The following KCNK9 variants were observed in gnomAD, a reference collection of about 807,000 sequenced individuals.
The protein encoded by KCNK9 is potassium two pore domain channel subfamily K member 9, also known as potassium channel subfamily K member 9.
KCNK9 carries 1 observed loss-of-function variant against 10.8 expected under a neutral mutation model. The observed-to-expected ratio is 0.09, with a 90% CI of 0.03 to 0.44. KCNK9 has a LOEUF of 0.44. Ranked by LOEUF, KCNK9 falls within the 20% of genes least tolerant of loss-of-function variation. KCNK9 has a pLI of 0.97. For missense variants in KCNK9, 303 were observed against 515.0 expected (o/e 0.59, Z 3.98); for synonymous variants, 231 against 222.7 (o/e 1.04, Z -0.33).
chr8:139,611,065 C>T (rs74380906), downstream of KCNK9, among the ~76,000 whole-genome samples: 5 of 152,370 alleles, frequency 3.3e-5, no homozygotes, highest in African/African-American at 1.2e-4. Context: ...GCCTGAGTTC[C>T]TCAACCAGAC....
At chr8:139,684,345 G>A (rs1816747110) in intron 1 of KCNK9, among the ~76,000 whole-genome samples, 1 of 152,118 alleles carries the variant, frequency 6.6e-6, no homozygotes, top group Non-Finnish European at 1.5e-5. Context: ...TTTTCTCCTT[G>A]GAAGCCACAA....
chr8:139,647,721 G>A (rs1478407514), intron 1 of KCNK9, among the ~76,000 whole-genome samples: 5 of 151,634 alleles, frequency 3.3e-5, no homozygotes, highest in Non-Finnish European at 7.4e-5. Flanking sequence ...AAGGGCTTTG[G>A]CTTTCACTCA....
intron 1 of KCNK9, among the ~76,000 whole-genome samples, chr8:139,661,889 C>A (rs1816159348): frequency 1.3e-5 from 2 of 152,232 alleles, no homozygotes; most frequent in Admixed American, 1.3e-4. Flanking sequence ...GGCTCACTCC[C>A]CTTTCTCTGT....
rs1029292655 is a variant in KCNK9, at chr8:139,703,083, T to G, written c.-91A>C. The G allele has an allele frequency of 8.6e-6, 10 of 1,161,258 alleles. No individual in the cohort carries two copies. Among genetic ancestry groups the G allele is most frequent in the African/African-American group, 3.3e-5 (2 of 61,256 alleles). The allele number at this position is 1,161,258 out of a possible 1,614,324, so 71.9% of individuals were successfully genotyped here. A position where few individuals can be genotyped will look rare whatever the true frequency, so the allele number is the denominator to read the frequency against. On this transcript the variant is annotated 5_prime_UTR_variant, in exon 1 of 2. Transcript: ENST00000520439. The surrounding 1 kb of genome is among the most constrained non-coding windows in gnomAD (Gnocchi z 6.4). ...GCAGCGCCCGGCGGCCGCCGCCGCCTCCTCCTCCGCCGCCGCCGCCGCCGC... is the reference window on the plus strand; with the variant it reads ...GCAGCGCCCGGCGGCCGCCGCCGCCGCCTCCTCCGCCGCCGCCGCCGCCGC...
At chr8:139,632,424 ATT>A (rs1815201948) in intron 1 of KCNK9, among the ~76,000 whole-genome samples, 1 of 152,120 alleles carries the variant, frequency 6.6e-6, no homozygotes, top group Non-Finnish European at 1.5e-5. Flanking sequence ...AAGGATGCTC[ATT>A]TTCTCAGGAA....
intron 1 of KCNK9, among the ~76,000 whole-genome samples, chr8:139,701,735 A>G (rs199207): frequency 0.079 from 11,967 of 152,036 alleles, 1,428 homozygotes; most frequent in African/African-American, 0.26. Flanking sequence ...GGTATCCACC[A>G]CGTCCACCCG....
At chr8:139,648,543 G>C (rs1274863370) in intron 1 of KCNK9, among the ~76,000 whole-genome samples, 1 of 152,218 alleles carries the variant, frequency 6.6e-6, no homozygotes, top group Non-Finnish European at 1.5e-5. Context: ...ACTGAGAATG[G>C]GCCACTAGCC....
In KCNK9 at chr8:139,661,598, G is replaced by T. The variant is rs188279192; in HGVS notation, c.283+41112C>A. On this transcript the variant is annotated intron_variant, in intron 1 of 1. Coordinates refer to ENST00000520439, the MANE Select transcript of KCNK9 (RefSeq NM_001282534.2). ...AATCACCTGGGGCGAGGTATCCTGA[G>T]CGCCCCATCATCCAGCCCCCAGCAC... is the stretch of plus-strand genomic sequence containing the variant. 4.5e-4 allele frequency among the ~76,000 whole-genome samples: 68 copies of T among 152,328 alleles called. 1 individual carries two copies. Among genetic ancestry groups the T allele is most frequent in the African/African-American group, 1.6e-3 (65 of 41,576 alleles).
intron 1 of KCNK9, among the ~76,000 whole-genome samples, chr8:139,644,723 C>A (rs373322663): frequency 1.2e-4 from 18 of 150,368 alleles, no homozygotes; most frequent in African/African-American, 4.4e-4. Flanking sequence ...TGTCCCCCCC[C>A]CCCAGAGCCT....
At chr8:139,667,383 G>A (rs924443416) in intron 1 of KCNK9, among the ~76,000 whole-genome samples, 7 of 152,150 alleles carry the variant, frequency 4.6e-5, no homozygotes, top group African/African-American at 1.7e-4. Context: ...TTGGACAAGT[G>A]TGCAAATGAA....
chr8:139,675,219 G>A (rs967838590), intron 1 of KCNK9, among the ~76,000 whole-genome samples: 13 of 152,318 alleles, frequency 8.5e-5, no homozygotes, highest in South Asian at 4.1e-4. Flanking sequence ...ACATGGGGCC[G>A]CATGAAAAGG....
At chr8:139,629,114 C>A (rs571383643) in intron 1 of KCNK9, among the ~76,000 whole-genome samples, 15 of 152,238 alleles carry the variant, frequency 9.9e-5, no homozygotes, top group African/African-American at 3.6e-4. Context: ...TTAAATGAAG[C>A]GTCTTCATCC....
Position 139,631,334 on chromosome 8 carries a change from A to C in KCNK9, c.284-12235T>G, listed in dbSNP as rs941696747. Among the ~76,000 whole-genome samples the C allele has an allele frequency of 2.6e-5, 4 of 152,148 alleles. No individual in the cohort carries two copies. The East Asian group carries it at 7.7e-4, about 29-fold the overall frequency. ...GCGCTAAGATATTTTCCCTTCCTCA[A>C]CCCACTGGTTCTGGGGAAGGGGATA... On this transcript the variant is annotated intron_variant, in intron 1 of 1. Transcript: ENST00000520439.
At chr8:139,660,804 T>A (rs1414174650) in intron 1 of KCNK9, among the ~76,000 whole-genome samples, 1 of 152,066 alleles carries the variant, frequency 6.6e-6, no homozygotes, top group African/African-American at 2.4e-5. Flanking sequence ...ACCATTCCCA[T>A]TTTCCAGATG....
chr8:139,688,428 G>T (rs1816867005), intron 1 of KCNK9, among the ~76,000 whole-genome samples: 1 of 152,220 alleles, frequency 6.6e-6, no homozygotes, highest in Non-Finnish European at 1.5e-5. Flanking sequence ...GCAGAAAAGA[G>T]TGAGTGCAAG....
intron 1 of KCNK9, among the ~76,000 whole-genome samples, chr8:139,686,902 C>T (rs1816801334): frequency 6.6e-6 from 1 of 151,930 alleles, no homozygotes; most frequent in African/African-American, 2.4e-5. Flanking sequence ...GCCAAAGGGG[C>T]ACACAGAGGA....
In KCNK9 at chr8:139,685,518, T is replaced by C. The variant is rs564328189; in HGVS notation, c.283+17192A>G. ...TCATTGTTCAACTCCCACCTATGAGTGAGAACATGCGATGTTTGGTTTTCT... is the reference window on the plus strand; with the variant it reads ...TCATTGTTCAACTCCCACCTATGAGCGAGAACATGCGATGTTTGGTTTTCT... On this transcript the variant is annotated intron_variant, in intron 1 of 1. Transcript: ENST00000520439. 3.1e-4 allele frequency among the ~76,000 whole-genome samples: 47 copies of C among 152,260 alleles called. 2 individuals carry two copies. In the South Asian group the frequency reaches 6.2e-3, roughly 20 times the overall value.
intron 1 of KCNK9, among the ~76,000 whole-genome samples, chr8:139,637,000 A>G (rs1369126410): frequency 6.6e-6 from 1 of 152,258 alleles, no homozygotes. Flanking sequence ...TGTCCAAAGT[A>G]CATGACCACT....
intron 1 of KCNK9, among the ~76,000 whole-genome samples, chr8:139,638,538 G>T (rs1563728836): frequency 6.6e-6 from 1 of 152,200 alleles, no homozygotes; most frequent in Non-Finnish European, 1.5e-5. Context: ...CAGGAAACAG[G>T]GCTGGTGAGG....
Sources: gnomAD v4.1 joint callset for allele counts (sites outside exome capture counted in the v4.1 genomes callset) on GRCh38, gnomAD v4.1.1 for gene constraint, Gnocchi (gnomAD v3.1) non-coding constraint, MANE v1.5 for transcripts, NCBI Gene and HGNC (gene_info 2026-07-23, HGNC 2026-07-21) for gene names.